SPOCK3: variants seen among roughly 807,000 people sequenced by gnomAD.
SPOCK3 encodes testican-3.
In SPOCK3, 30 loss-of-function variants were observed where a neutral mutation model predicts 56.6. That is an observed-to-expected ratio of 0.53 (90% CI 0.40 to 0.72). The LOEUF (loss-of-function observed/expected upper bound fraction) is 0.72. Among genes scored for constraint, SPOCK3 ranks in the 30% least tolerant of loss-of-function variants. SPOCK3 has a pLI of 0.00. For synonymous variants in SPOCK3, 196 were observed against 183.3 expected (o/e 1.07, Z -0.56); for missense variants, 527 against 530.0 (o/e 0.99, Z 0.06).
intron 7 of SPOCK3, among the ~76,000 whole-genome samples, chr4:166,775,585 A>G (rs1465211932): frequency 6.6e-6 from 1 of 152,216 alleles, no homozygotes; most frequent in African/African-American, 2.4e-5. Flanking sequence ...GATTTTCTAA[A>G]TGGGATACTG....
chr4:166,864,835 G>A (rs943750115), intron 6 of SPOCK3, among the ~76,000 whole-genome samples: 24 of 152,160 alleles, frequency 1.6e-4, no homozygotes, highest in African/African-American at 5.8e-4. Flanking sequence ...TGGATTCACA[G>A]CCAAATTCTA....
chr4:167,159,089 C>A (rs1765058823), intron 2 of SPOCK3, among the ~76,000 whole-genome samples: 1 of 151,972 alleles, frequency 6.6e-6, no homozygotes, highest in African/African-American at 2.4e-5. Flanking sequence ...GTTTAATTAT[C>A]CATCTGTCCT....
intron 2 of SPOCK3, among the ~76,000 whole-genome samples, chr4:167,188,055 T>A (rs554904083): frequency 8.6e-6 from 1 of 115,834 alleles, no homozygotes; most frequent in Non-Finnish European, 1.8e-5. Flanking sequence ...CTGCTAAAAG[T>A]TGAGGATAGA....
At chr4:167,212,016 C>A (rs756019008) in intron 2 of SPOCK3, among the ~76,000 whole-genome samples, 1 of 152,118 alleles carries the variant, frequency 6.6e-6, no homozygotes, top group Non-Finnish European at 1.5e-5. Context: ...TTAGGCAAAT[C>A]TCTGACCACT....
intron 4 of SPOCK3, among the ~76,000 whole-genome samples, chr4:166,941,231 A>G (rs544199023): frequency 6.6e-6 from 1 of 152,170 alleles, no homozygotes; most frequent in Non-Finnish European, 1.5e-5. Flanking sequence ...ATTTAAAACC[A>G]TAAGAAAGTA....
At chr4:166,911,544 T>C (rs1405600746) in intron 5 of SPOCK3, among the ~76,000 whole-genome samples, 1 of 152,188 alleles carries the variant, frequency 6.6e-6, no homozygotes, top group African/African-American at 2.4e-5. Context: ...TGTTTTTGTT[T>C]TTTGTTTTTT....
chr4:167,124,368 A>G (rs1762107312), intron 2 of SPOCK3, among the ~76,000 whole-genome samples: 1 of 152,168 alleles, frequency 6.6e-6, no homozygotes, highest in Admixed American at 6.5e-5. Flanking sequence ...ATCTAATAGG[A>G]ACCTCACATT....
intron 5 of SPOCK3, among the ~76,000 whole-genome samples, chr4:166,912,261 G>A (rs1037841270): frequency 3.3e-5 from 5 of 152,022 alleles, no homozygotes; most frequent in African/African-American, 7.2e-5. Context: ...GATAAAATAT[G>A]AGATTAAAAA....
intron 6 of SPOCK3, among the ~76,000 whole-genome samples, chr4:166,797,300 TAAGTGGC>T (rs1457491889): frequency 8.0e-6 from 1 of 124,666 alleles, no homozygotes. Flanking sequence ...GCAATGTTTC[TAAGTGGC>T]TTTTTTTTTT....
chr4:167,073,858 A>T (rs1173540773), intron 2 of SPOCK3, among the ~76,000 whole-genome samples: 1 of 151,896 alleles, frequency 6.6e-6, no homozygotes, highest in Non-Finnish European at 1.5e-5. Flanking sequence ...TCTTATCTAA[A>T]AGATTTGCTT....
chr4:167,030,083 T>TTCTATCTATCTA (rs59694023), intron 3 of SPOCK3, among the ~76,000 whole-genome samples: 7,425 of 141,378 alleles, frequency 0.053, 193 homozygotes, highest in South Asian at 0.099. Context: ...TAATGGCTCA[T>TTCTATCTATCTA]TCTATCTATC....
At chr4:166,900,954 G>C (rs768287607) in intron 5 of SPOCK3, among the ~76,000 whole-genome samples, 2 of 152,132 alleles carry the variant, frequency 1.3e-5, no homozygotes, top group African/African-American at 2.4e-5. Context: ...ATGCCACCCT[G>C]ACATCTTTCC....
In SPOCK3 at chr4:166,831,542, ATTAT is replaced by A. The variant is rs544868248; in HGVS notation, c.590-39257_590-39254del. 1.6e-3 allele frequency among the ~76,000 whole-genome samples: 249 copies of A among 152,168 alleles called. 2 individuals are homozygous for A. Among genetic ancestry groups the A allele is most frequent in the African/African-American group, 5.5e-3 (228 of 41,572 alleles). On this transcript the variant is annotated intron_variant, in intron 6 of 10. Coordinates refer to ENST00000357545, the MANE Select transcript of SPOCK3 (RefSeq NM_001040159.2). ...AGCATTAGTTATCTATGCTTTTTAA[ATTAT>A]TTGTCTATTTCATTTAACATATCAA...
At chr4:166,821,626 C>T (rs1040420255) in intron 6 of SPOCK3, among the ~76,000 whole-genome samples, 1 of 151,916 alleles carries the variant, frequency 6.6e-6, no homozygotes, top group Non-Finnish European at 1.5e-5. Flanking sequence ...GTACTGAAAC[C>T]TGCTACAACA....
intron 2 of SPOCK3, among the ~76,000 whole-genome samples, chr4:167,196,186 T>G (rs1220803729): frequency 3.3e-5 from 5 of 152,196 alleles, no homozygotes; most frequent in Non-Finnish European, 5.9e-5. Context: ...AGCTACTATA[T>G]CGTGTTTAAT....
intron 3 of SPOCK3, among the ~76,000 whole-genome samples, chr4:167,004,217 C>T (rs1336166674): frequency 6.6e-6 from 1 of 152,058 alleles, no homozygotes; most frequent in Non-Finnish European, 1.5e-5. Flanking sequence ...ACAGAGAGAT[C>T]ACATGATGGT....
intron 3 of SPOCK3, among the ~76,000 whole-genome samples, chr4:167,003,113 G>A (rs6848156): frequency 1.3e-5 from 2 of 151,854 alleles, no homozygotes; most frequent in East Asian, 1.9e-4. Flanking sequence ...ATCTGCATTC[G>A]ATAATTTCCA....
chr4:167,109,375 T>C (rs1413760851), intron 2 of SPOCK3, among the ~76,000 whole-genome samples: 1 of 24,424 alleles, frequency 4.1e-5, no homozygotes, highest in Non-Finnish European at 8.8e-5. Context: ...TATATATATT[T>C]ATATAAAATA....
intron 4 of SPOCK3, among the ~76,000 whole-genome samples, chr4:166,959,695 A>G (rs1426406421): frequency 6.6e-6 from 1 of 152,138 alleles, no homozygotes; most frequent in Non-Finnish European, 1.5e-5. Context: ...GTGAAATACT[A>G]TCTTTACTTA....
Sources: allele counts gnomAD v4.1 joint callset (sites outside exome capture counted in the v4.1 genomes callset), GRCh38; gene constraint gnomAD v4.1.1; transcripts MANE v1.5; gene names NCBI Gene and HGNC (gene_info 2026-07-23, HGNC 2026-07-21).